Variants in SMCHD1 observed in about 807,000 individuals in gnomAD.
SMCHD1 encodes the protein structural maintenance of chromosomes flexible hinge domain containing 1, also known as structural maintenance of chromosomes flexible hinge domain-containing protein 1.
Under a neutral mutation model 254.7 loss-of-function variants are expected in SMCHD1, and 78 were observed. That is an observed-to-expected ratio of 0.31 (90% CI 0.26 to 0.37). The LOEUF (loss-of-function observed/expected upper bound fraction) is 0.37. Among genes scored for constraint, SMCHD1 ranks in the 10% least tolerant of loss-of-function variants. The probability of loss-of-function intolerance (pLI) is 1.00; values close to 1 mark genes in which losing one functional copy is unlikely to be tolerated. For synonymous variants in SMCHD1, 766 were observed against 794.9 expected, an observed-to-expected ratio of 0.96 and a Z score of 0.61; for missense variants, 1,840 against 2,408.1, an observed-to-expected ratio of 0.76 and a Z score of 4.94.
chr18:2,673,743 A>G (rs2073673880), intron 4 of SMCHD1, among the ~76,000 whole-genome samples: 1 of 152,172 alleles, frequency 6.6e-6, no homozygotes, highest in Admixed American at 6.6e-5. Context: ...TGCTGGAATG[A>G]TGAACATTCT....
chr18:2,690,861 C>T (rs530446), intron 7 of SMCHD1, among the ~76,000 whole-genome samples: 124,194 of 150,688 alleles, frequency 0.82, 54,577 homozygotes, highest in East Asian at 1. Context: ...AAGTCACATA[C>T]ACTTCCAACA....
chr18:2,677,671 G>A (rs1233544036), intron 5 of SMCHD1, among the ~76,000 whole-genome samples: 1 of 152,158 alleles, frequency 6.6e-6, no homozygotes, highest in African/African-American at 2.4e-5. Context: ...CTGTCGTTCA[G>A]GCTGGAGTGT....
At chr18:2,728,741 A>T in intron 23 of SMCHD1, 145 bp downstream of exon 23, 1 of 728,294 alleles carries the variant, frequency 1.4e-6, no homozygotes, top group Non-Finnish European at 1.8e-6. Flanking sequence ...TATTGCCAAT[A>T]GTTTTTTTTT....
At chr18:2,725,412 T>TAAG (rs1555640206) in intron 21 of SMCHD1, among the ~76,000 whole-genome samples, 1 of 151,730 alleles carries the variant, frequency 6.6e-6, no homozygotes, top group Non-Finnish European at 1.5e-5. Context: ...TTTAAACATA[T>TAAG]CACTTTGGTA....
Position 2,697,140 on chromosome 18 carries a change from CT to C in SMCHD1, c.1131+20del, listed in dbSNP as rs1470150599. 3.3e-6 allele frequency: 4 copies of C among 1,205,276 alleles called. No homozygotes were observed. Among genetic ancestry groups the C allele is most frequent in the Non-Finnish European group, 4.6e-6 (4 of 868,008 alleles). The allele number at this position is 1,205,276 out of a possible 1,614,324, so 74.7% of individuals were successfully genotyped here. Reference sequence around the variant, plus strand: ...ATATTGAAGTAAGAGAAAAATCCATCTTAAAATAATAAAAATTATGAGATAT... The same window carrying C: ...ATATTGAAGTAAGAGAAAAATCCATCTAAAATAATAAAAATTATGAGATAT... On this transcript the variant is annotated intron_variant, in intron 9 of 47. Coordinates refer to ENST00000320876, the MANE Select transcript of SMCHD1 (RefSeq NM_015295.3).
intron 8 of SMCHD1, 24 bp downstream of exon 8, chr18:2,694,717 G>C (rs765437415): frequency 6.3e-7 from 1 of 1,598,744 alleles, no homozygotes; most frequent in East Asian, 2.2e-5. Flanking sequence ...TTTGGCTTAG[G>C]AAATGTTGCT....
At chr18:2,670,763 T>G (rs2073571165) in intron 3 of SMCHD1, among the ~76,000 whole-genome samples, 1 of 151,680 alleles carries the variant, frequency 6.6e-6, no homozygotes, top group South Asian at 2.1e-4. Context: ...TGGCCAGGCG[T>G]GGAGGTGGGT....
chr18:2,802,367 A>C, intron 47 of SMCHD1, among the ~76,000 whole-genome samples, 161 bp from the exon 48 acceptor site: 1 of 152,314 alleles, frequency 6.6e-6, no homozygotes, highest in South Asian at 2.1e-4. Flanking sequence ...ATGTGAAGGA[A>C]ATGATTATAT....
intron 5 of SMCHD1, among the ~76,000 whole-genome samples, chr18:2,676,644 C>G (rs984651113): frequency 6.6e-6 from 1 of 152,144 alleles, no homozygotes. Context: ...GTACTACTCC[C>G]TCACCCCACC....
Position 2,666,908 on chromosome 18 carries a change from C to T in SMCHD1, c.301C>T (p.Gln101Ter). ...VKDGVTLYLL[Q>*]SVNQLLLTAT... ...AGATGGAGTCACCTTATACCTGCTA[C>T]AGTCGGTCAATCAGTTACTACTGAC... is the stretch of plus-strand genomic sequence containing the variant. The change falls in exon 3 of 48, where the codon CAG (glutamine) becomes TAG (stop). Residue 101 changes from glutamine to a stop codon, truncating the protein, a stop_gained. Coordinates refer to ENST00000320876, the MANE Select transcript of SMCHD1 (RefSeq NM_015295.3). LOFTEE classifies it high-confidence loss of function. The T allele has an allele frequency of 6.2e-7, 1 of 1,613,350 alleles. No homozygotes were observed. The highest frequency in any genetic ancestry group is 1.1e-5 in the South Asian group (1 of 91,026).
intron 34 of SMCHD1, among the ~76,000 whole-genome samples, chr18:2,753,480 A>G (rs2075614144): frequency 6.6e-6 from 1 of 152,198 alleles, no homozygotes; most frequent in Non-Finnish European, 1.5e-5. Flanking sequence ...GTGTATATTT[A>G]AATATAGATG....
chr18:2,695,371 G>A lies in SMCHD1; in HGVS notation c.1040+678G>A, dbSNP rs190281145. ...GTTGCCCAGGCTGGAGTGCAATGGC[G>A]CACTCTTGGCTCACTGCAACCACCA... On this transcript the variant is annotated intron_variant, in intron 8 of 47. Transcript: ENST00000320876. Among the ~76,000 whole-genome samples, 34 of 150,534 alleles carry A rather than the reference G, an allele frequency of 2.3e-4. No homozygotes were observed. The East Asian group carries it at 4.9e-3, about 22-fold the overall frequency.
chr18:2,759,066 TA>T (rs1448049340), intron 34 of SMCHD1, among the ~76,000 whole-genome samples: 2 of 152,218 alleles, frequency 1.3e-5, no homozygotes, highest in Non-Finnish European at 2.9e-5. Context: ...ATCAATGTAT[TA>T]AAGTCTGCCT....
Position 2,747,544 on chromosome 18 carries a change from G to T in SMCHD1, c.3824G>T (p.Arg1275Ile). 6.2e-7 allele frequency: 1 copy of T among 1,606,448 alleles called. No homozygotes were observed. Among genetic ancestry groups the T allele is most frequent in the South Asian group, 1.1e-5 (1 of 90,372 alleles). The change falls in exon 30 of 48, where the codon AGA (arginine) becomes ATA (isoleucine). Residue 1275 changes from arginine (R) to isoleucine (I), a missense_variant. Arg to Ile is a moderately conservative substitution (Grantham distance 97). Coordinates refer to ENST00000320876, the MANE Select transcript of SMCHD1 (RefSeq NM_015295.3). Reference protein sequence around the residue: ...LKESIPVINGRDLQNPIIVQL... With the variant: ...LKESIPVINGIDLQNPIIVQL... ...CAGTCCATTCCAGTGATTAATGGAAGAGATTTACAGAACCCTATTATTGTT... is the reference window on the plus strand; with the variant it reads ...CAGTCCATTCCAGTGATTAATGGAATAGATTTACAGAACCCTATTATTGTT...
intron 3 of SMCHD1, 33 bp from the exon 4 acceptor site, chr18:2,673,248 A>C (rs1368855413): frequency 4.5e-6 from 7 of 1,553,940 alleles, no homozygotes; most frequent in Non-Finnish European, 6.1e-6. Context: ...GTGGGAGGGA[A>C]AAGTTAAGCA....
intron 34 of SMCHD1, 63 bp from the exon 35 acceptor site, chr18:2,760,589 C>G: frequency 1.1e-6 from 1 of 911,376 alleles, no homozygotes; most frequent in Non-Finnish European, 1.8e-6. Flanking sequence ...AATGTTGACT[C>G]TTTGAATTCC....
intron 45 of SMCHD1, among the ~76,000 whole-genome samples, chr18:2,787,358 A>G (rs540719531): frequency 2.2e-4 from 33 of 152,320 alleles, no homozygotes; most frequent in African/African-American, 7.5e-4. Context: ...ATCAAATTTT[A>G]ACATGAGCTT....
chr18:2,697,755 T>C (rs2074314838), intron 9 of SMCHD1, 76 bp from the exon 10 acceptor site: 1 of 910,438 alleles, frequency 1.1e-6, no homozygotes, highest in Non-Finnish European at 1.7e-6. Flanking sequence ...TTACTTATTC[T>C]GTTGTTGAAT....
At position 2,708,796 on chromosome 18, in the gene SMCHD1, A is replaced by T. The variant is rs1279929553; in HGVS notation, c.2260+876A>T. Among the ~76,000 whole-genome samples the T allele has an allele frequency of 2.1e-5, 3 of 140,948 alleles. No individual in the cohort carries two copies. In the East Asian group the frequency reaches 6.4e-4, roughly 30 times the overall value. 92.5% of individuals were successfully genotyped at this position (140,948 alleles called of 152,430 possible). On this transcript the variant is annotated intron_variant, in intron 17 of 47. Coordinates refer to ENST00000320876, the MANE Select transcript of SMCHD1 (RefSeq NM_015295.3). ...ACTCCCAGCTAATTTTTGTATTTTTAGTAGAGATGGGGTTTGATGGGGTTT... is the reference window on the plus strand; with the variant it reads ...ACTCCCAGCTAATTTTTGTATTTTTTGTAGAGATGGGGTTTGATGGGGTTT...
Sources: gnomAD v4.1 joint callset for allele counts (sites outside exome capture counted in the v4.1 genomes callset) on GRCh38, gnomAD v4.1.1 for gene constraint, MANE v1.5 for transcripts, NCBI Gene and HGNC (gene_info 2026-07-23, HGNC 2026-07-21) for gene names.